Variants in TMEM132C observed in about 807,000 individuals in gnomAD.
The protein encoded by TMEM132C is transmembrane protein 132C, also known as protein phosphatase 1, regulatory subunit 152.
In TMEM132C, 29 loss-of-function variants were observed where a neutral mutation model predicts 61.4. The ratio of observed to expected loss-of-function variants is 0.47; its 90% confidence interval spans 0.35 to 0.64. The LOEUF is 0.64. Ranked by LOEUF, TMEM132C falls within the 30% of genes least tolerant of loss-of-function variation. The probability of loss-of-function intolerance (pLI) is 0.00; values close to 1 mark genes in which losing one functional copy is unlikely to be tolerated. For synonymous variants in TMEM132C, 656 were observed against 633.1 expected (o/e 1.04, Z -0.54); for missense variants, 1,408 against 1,476.9 (o/e 0.95, Z 0.76).
intron 3 of TMEM132C, among the ~76,000 whole-genome samples, chr12:128,546,921 C>A (rs575120983): frequency 1.3e-5 from 2 of 152,344 alleles, no homozygotes; most frequent in East Asian, 3.9e-4. Flanking sequence ...CTTCTTACAG[C>A]ATGGCCTCTG....
intron 4 of TMEM132C, among the ~76,000 whole-genome samples, chr12:128,616,924 C>G (rs1876819907): frequency 6.6e-6 from 1 of 152,162 alleles, no homozygotes; most frequent in Non-Finnish European, 1.5e-5. Context: ...AGCAAACATG[C>G]TACTTGTGTG....
rs114896847 is a variant in TMEM132C, at chr12:128,395,462, A to G, written c.86-19270A>G. 1.5e-3 allele frequency among the ~76,000 whole-genome samples: 225 copies of G among 152,290 alleles called. 2 individuals carry two copies. The highest frequency in any genetic ancestry group is 5.2e-3 in the African/African-American group (217 of 41,558). On this transcript the variant is annotated intron_variant, in intron 1 of 8. Transcript: ENST00000435159. ...AAACACAGATGCTTCTCTACTTATGATGGGGTAACGTGCTGATAAATCCAT... is the reference window on the plus strand; with the variant it reads ...AAACACAGATGCTTCTCTACTTATGGTGGGGTAACGTGCTGATAAATCCAT...
intron 1 of TMEM132C, among the ~76,000 whole-genome samples, chr12:128,383,966 T>C (rs1489087419): frequency 6.6e-6 from 1 of 152,216 alleles, no homozygotes; most frequent in East Asian, 1.9e-4. Context: ...TGTGGCCCTA[T>C]GGCTAATGCC....
At chr12:128,477,962 A>C (rs1307391363) in intron 2 of TMEM132C, among the ~76,000 whole-genome samples, 1 of 152,202 alleles carries the variant, frequency 6.6e-6, no homozygotes, top group Non-Finnish European at 1.5e-5. Flanking sequence ...GGGCAAGAAC[A>C]TATGTTTATC....
intron 3 of TMEM132C, among the ~76,000 whole-genome samples, chr12:128,546,992 G>A (rs1443353636): frequency 1.3e-5 from 2 of 152,182 alleles, no homozygotes; most frequent in Non-Finnish European, 2.9e-5. Flanking sequence ...GGGTACCGAG[G>A]TCAGGCCAGC....
intron 1 of TMEM132C, among the ~76,000 whole-genome samples, chr12:128,397,987 AT>A (rs923930342): frequency 2.6e-5 from 4 of 152,104 alleles, no homozygotes; most frequent in Non-Finnish European, 4.4e-5. Flanking sequence ...ACCATTCCTT[AT>A]CCTATCCCTC....
intron 2 of TMEM132C, among the ~76,000 whole-genome samples, chr12:128,534,625 C>T (rs963002697): frequency 1.3e-5 from 2 of 152,234 alleles, no homozygotes; most frequent in Non-Finnish European, 2.9e-5. Context: ...ACCTTGAAGC[C>T]AGGCATCCTC....
intron 1 of TMEM132C, among the ~76,000 whole-genome samples, chr12:128,289,902 A>G (rs370896938): frequency 1.2e-4 from 18 of 152,264 alleles, no homozygotes; most frequent in Non-Finnish European, 2.1e-4. Flanking sequence ...TTTCACCTCA[A>G]ATTATCTCAT....
intron 4 of TMEM132C, among the ~76,000 whole-genome samples, chr12:128,662,903 G>A (rs1954406700): frequency 6.6e-6 from 1 of 152,114 alleles, no homozygotes; most frequent in South Asian, 2.1e-4. Flanking sequence ...CTAGGCAGAC[G>A]TCTGGTCTCT....
intron 2 of TMEM132C, among the ~76,000 whole-genome samples, chr12:128,458,479 G>A (rs1023987413): frequency 2.0e-5 from 3 of 151,832 alleles, no homozygotes; most frequent in Non-Finnish European, 4.4e-5. Context: ...TAATCACTTC[G>A]TGGTGCTGGG....
chr12:128,476,786 A>C (rs919891936), intron 2 of TMEM132C, among the ~76,000 whole-genome samples: 2 of 152,166 alleles, frequency 1.3e-5, no homozygotes, highest in Admixed American at 1.3e-4. Flanking sequence ...CAAGTGACGG[A>C]ACTTCAGATA....
rs1259045634 is a variant in TMEM132C, at chr12:128,387,513, G to T, written c.86-27219G>T. ...AACCAAATTGTTCTCAATTCATTAT[G>T]ATGAAAAACAAAAATCAGCTGGGCA... On this transcript the variant is annotated intron_variant, in intron 1 of 8. Transcript: ENST00000435159. Among the ~76,000 whole-genome samples, 5 of 152,118 alleles carry T rather than the reference G, an allele frequency of 3.3e-5. No homozygotes were observed. In the East Asian group the frequency reaches 9.7e-4, roughly 29 times the overall value.
rs200307720 is a variant in TMEM132C, at chr12:128,304,613, A to AAAAG, written c.85+37150_85+37153dup. On this transcript the variant is annotated intron_variant, in intron 1 of 8. Transcript: ENST00000435159. ...GACAGAGCAAGCCTCCGTCTCAAAA[A>AAAAG]AAAGAAAGAAAGAAAGAAAGAAAGA... Among the ~76,000 whole-genome samples, 369 of 150,508 alleles carry AAAAG rather than the reference A, an allele frequency of 2.5e-3. 3 individuals carry two copies. Among genetic ancestry groups the AAAAG allele is most frequent in the African/African-American group, 7.7e-3 (315 of 40,892 alleles).
chr12:128,312,997 CA>C (rs1872027826), intron 1 of TMEM132C, among the ~76,000 whole-genome samples: 1 of 152,226 alleles, frequency 6.6e-6, no homozygotes, highest in African/African-American at 2.4e-5. Context: ...CAGCCTGCTC[CA>C]TCCTCCCTCT....
chr12:128,349,522 C>A (rs1056214599), intron 1 of TMEM132C, among the ~76,000 whole-genome samples: 11 of 152,156 alleles, frequency 7.2e-5, no homozygotes, highest in Non-Finnish European at 1.2e-4. Context: ...GAGACAAGCA[C>A]TCCCCACCTC....
intron 3 of TMEM132C, among the ~76,000 whole-genome samples, chr12:128,607,485 A>G (rs1041117219): frequency 3.3e-5 from 5 of 152,194 alleles, no homozygotes; most frequent in South Asian, 2.1e-4. Flanking sequence ...GTTAGGGCCG[A>G]AATGGGCATA....
intron 1 of TMEM132C, among the ~76,000 whole-genome samples, chr12:128,316,021 C>G (rs780294484): frequency 1.3e-5 from 2 of 151,818 alleles, no homozygotes; most frequent in Non-Finnish European, 2.9e-5. Context: ...TTCTAAGTCA[C>G]CCAGTTTGTG....
At chr12:128,271,299 TAATAATAA>T (rs1870512654) in intron 1 of TMEM132C, among the ~76,000 whole-genome samples, 1 of 109,092 alleles carries the variant, frequency 9.2e-6, no homozygotes, top group African/African-American at 4.0e-5. Flanking sequence ...ATAATAATAA[TAATAATAA>T]AATGAAATGA....
intron 1 of TMEM132C, among the ~76,000 whole-genome samples, chr12:128,405,516 A>C (rs2136013921): frequency 6.6e-6 from 1 of 152,328 alleles, no homozygotes. Flanking sequence ...AGTCTATCTA[A>C]GAGAAAATCT....
Sources: allele counts gnomAD v4.1 joint callset (sites outside exome capture counted in the v4.1 genomes callset), GRCh38; gene constraint gnomAD v4.1.1; transcripts MANE v1.5; gene names NCBI Gene and HGNC (gene_info 2026-07-23, HGNC 2026-07-21).